SLC25A21: variants seen among roughly 807,000 people sequenced by gnomAD.
SLC25A21 encodes solute carrier family 25 member 21.
Under a neutral mutation model 43.8 loss-of-function variants are expected in SLC25A21, and 47 were observed. The ratio of observed to expected loss-of-function variants is 1.07; its 90% confidence interval spans 0.85 to 1.37. SLC25A21 has a LOEUF of 1.37. Ranked by LOEUF, SLC25A21 falls within the 40% of genes most tolerant of loss-of-function variation. SLC25A21 has a pLI of 0.00. For missense variants in SLC25A21, 352 were observed against 350.2 expected, an observed-to-expected ratio of 1.00 and a Z score of -0.04; for synonymous variants, 131 against 121.3, an observed-to-expected ratio of 1.08 and a Z score of -0.52.
chr14:36,853,147 T>C (rs1451060004), intron 2 of SLC25A21, among the ~76,000 whole-genome samples: 2 of 152,164 alleles, frequency 1.3e-5, no homozygotes, highest in African/African-American at 2.4e-5. Flanking sequence ...ATGGGATAAT[T>C]AAATTGTTCA....
chr14:37,163,913 A>G (rs1174493401), intron 1 of SLC25A21, among the ~76,000 whole-genome samples: 1 of 152,134 alleles, frequency 6.6e-6, no homozygotes, highest in Non-Finnish European at 1.5e-5. Context: ...TAGACTTTTC[A>G]TATTTATTTG....
intron 7 of SLC25A21, among the ~76,000 whole-genome samples, chr14:36,690,140 C>T (rs543895739): frequency 6.6e-6 from 1 of 152,104 alleles, no homozygotes; most frequent in African/African-American, 2.4e-5. Context: ...TACTGGCTAG[C>T]AGCAAGTACA....
At chr14:36,764,556 A>G (rs1594566847) in intron 3 of SLC25A21, among the ~76,000 whole-genome samples, 2 of 147,726 alleles carry the variant, frequency 1.4e-5, no homozygotes, top group Non-Finnish European at 3.0e-5. Flanking sequence ...AAAAGCCAAA[A>G]CAAAACAAAA....
chr14:36,951,831 G>A (rs17105755), intron 1 of SLC25A21, among the ~76,000 whole-genome samples: 6,584 of 152,116 alleles, frequency 0.043, 288 homozygotes, highest in Middle Eastern at 0.14. Context: ...AAAATGATTC[G>A]CTGGTTACAT....
At chr14:36,712,508 T>C (rs889766331) in intron 6 of SLC25A21, among the ~76,000 whole-genome samples, 3 of 152,196 alleles carry the variant, frequency 2.0e-5, no homozygotes, top group Non-Finnish European at 2.9e-5. Flanking sequence ...CAGAATAGAA[T>C]AGAACAAATC....
At chr14:36,968,602 G>T (rs1959674454) in intron 1 of SLC25A21, among the ~76,000 whole-genome samples, 1 of 152,114 alleles carries the variant, frequency 6.6e-6, no homozygotes, top group African/African-American at 2.4e-5. Context: ...AGCAGCAGCT[G>T]CCCACAGTAA....
chr14:37,038,614 T>C (rs17178359), intron 1 of SLC25A21, among the ~76,000 whole-genome samples: 323 of 152,312 alleles, frequency 2.1e-3, no homozygotes, highest in Non-Finnish European at 3.7e-3. Context: ...TAGAGGAATT[T>C]GACACAAATT....
At chr14:36,847,843 G>C (rs1889594350) in intron 2 of SLC25A21, among the ~76,000 whole-genome samples, 1 of 152,210 alleles carries the variant, frequency 6.6e-6, no homozygotes, top group Non-Finnish European at 1.5e-5. Context: ...TCTAGGCATG[G>C]GAGTAAGTGA....
chr14:36,722,545 AG>A (rs1199690317), intron 6 of SLC25A21, among the ~76,000 whole-genome samples: 1 of 152,196 alleles, frequency 6.6e-6, no homozygotes, highest in African/African-American at 2.4e-5. Context: ...TGGGGTTCAT[AG>A]GAAGTCTCTA....
intron 1 of SLC25A21, among the ~76,000 whole-genome samples, chr14:37,028,120 AT>A (rs1449101302): frequency 3.3e-5 from 5 of 152,100 alleles, no homozygotes; most frequent in Admixed American, 1.3e-4. Flanking sequence ...AACTGTAAAT[AT>A]TTTTTTGTAA....
chr14:36,989,721 C>T (rs1960223327), intron 1 of SLC25A21, among the ~76,000 whole-genome samples: 1 of 151,996 alleles, frequency 6.6e-6, no homozygotes, highest in Non-Finnish European at 1.5e-5. Context: ...GCCCTGGGTT[C>T]GCAGCTGACA....
chr14:37,079,870 T>A (rs1962351788), intron 1 of SLC25A21, among the ~76,000 whole-genome samples: 1 of 152,156 alleles, frequency 6.6e-6, no homozygotes, highest in Admixed American at 6.5e-5. Context: ...ACTAAGGTAA[T>A]GTGTTAGGAT....
intron 3 of SLC25A21, among the ~76,000 whole-genome samples, chr14:36,796,377 C>A (rs576762725): frequency 5.3e-4 from 68 of 129,474 alleles, no homozygotes; most frequent in African/African-American, 2.0e-3. Flanking sequence ...TTATTTATTT[C>A]TCTCTTTCTC....
chr14:37,133,408 C>T (rs1450225025), intron 1 of SLC25A21, among the ~76,000 whole-genome samples: 3 of 151,988 alleles, frequency 2.0e-5, no homozygotes, highest in African/African-American at 4.8e-5. Context: ...CTTCCCAAAT[C>T]GAATCTACCA....
intron 3 of SLC25A21, among the ~76,000 whole-genome samples, chr14:36,768,944 AAAAC>A (rs1251674736): frequency 1.4e-5 from 2 of 146,174 alleles, no homozygotes; most frequent in Non-Finnish European, 3.0e-5. Context: ...AAAAAAAAAA[AAAAC>A]AAAAACCTAT....
At chr14:36,858,240 A>G (rs967090992) in intron 2 of SLC25A21, among the ~76,000 whole-genome samples, 1 of 152,030 alleles carries the variant, frequency 6.6e-6, no homozygotes, top group Non-Finnish European at 1.5e-5. Flanking sequence ...TGCCTGCTGG[A>G]CCACCCCTAC....
In SLC25A21 at chr14:37,000,753, G is replaced by C. The variant is rs147199875; in HGVS notation, c.71-125749C>G. On this transcript the variant is annotated intron_variant, in intron 1 of 9. Transcript: ENST00000331299. ...CCCCTTGCTATTTTTGTGATGGTGA[G>C]TTTTCATGAGCTCTGATGGTTTAAA... 1.9e-3 allele frequency among the ~76,000 whole-genome samples: 289 copies of C among 152,246 alleles called. 2 individuals carry two copies. The highest frequency in any genetic ancestry group is 6.6e-3 in the African/African-American group (273 of 41,552).
chr14:36,680,292 A>T lies in SLC25A21; in HGVS notation c.*366T>A. 1.0e-6 allele frequency: 1 copy of T among 976,184 alleles called. No homozygotes were observed. Among genetic ancestry groups the T allele is most frequent in the Non-Finnish European group, 1.2e-6 (1 of 828,582 alleles). The allele number at this position is 976,184 out of a possible 1,614,324, so 60.5% of individuals were successfully genotyped here. A position where few individuals can be genotyped will look rare whatever the true frequency, so the allele number is the denominator to read the frequency against. Reference sequence around the variant, plus strand: ...TTTTCAATAGTTTAAGCATTTCTAGACCTCTTAGGAAAAATGCTGATCAAT... The same window carrying T: ...TTTTCAATAGTTTAAGCATTTCTAGTCCTCTTAGGAAAAATGCTGATCAAT... On this transcript the variant is annotated 3_prime_UTR_variant, in exon 10 of 10. Coordinates refer to ENST00000331299, the MANE Select transcript of SLC25A21 (RefSeq NM_030631.4).
chr14:37,081,708 T>G (rs1048005974), intron 1 of SLC25A21, among the ~76,000 whole-genome samples: 1 of 152,244 alleles, frequency 6.6e-6, no homozygotes, highest in African/African-American at 2.4e-5. Flanking sequence ...TATTCTCTTT[T>G]ATTGTGCACT....
Sources: allele counts gnomAD v4.1 joint callset (sites outside exome capture counted in the v4.1 genomes callset), GRCh38; gene constraint gnomAD v4.1.1; transcripts MANE v1.5; gene names NCBI Gene and HGNC (gene_info 2026-07-23, HGNC 2026-07-21).